The following OPCML variants were observed in gnomAD, a reference collection of about 807,000 sequenced individuals.
OPCML encodes opioid-binding protein/cell adhesion molecule.
A neutral mutation model predicts 37.8 loss-of-function variants in OPCML; 13 were observed. The observed-to-expected ratio is 0.34, with a 90% CI of 0.22 to 0.55. The LOEUF (loss-of-function observed/expected upper bound fraction) is 0.55. Among genes scored for constraint, OPCML ranks in the 20% least tolerant of loss-of-function variants. The pLI is 0.91. For synonymous variants in OPCML, 176 were observed against 168.8 expected (o/e 1.04, Z -0.33); for missense variants, 341 against 435.6 (o/e 0.78, Z 1.93).
chr11:133,134,732 C>T (rs1319599292), intron 1 of OPCML, among the ~76,000 whole-genome samples: 1 of 152,172 alleles, frequency 6.6e-6, no homozygotes, highest in East Asian at 1.9e-4. Context: ...CGAGATGAGC[C>T]ACCATCCTGC....
intron 3 of OPCML, among the ~76,000 whole-genome samples, chr11:132,534,082 T>C (rs1271346543): frequency 1.3e-5 from 2 of 152,176 alleles, no homozygotes; most frequent in African/African-American, 2.4e-5. Flanking sequence ...ATCCTAGAGA[T>C]TGACATTTGC....
At chr11:132,839,605 C>T (rs1349267898) in intron 2 of OPCML, among the ~76,000 whole-genome samples, 2 of 152,164 alleles carry the variant, frequency 1.3e-5, no homozygotes, top group African/African-American at 4.8e-5. Flanking sequence ...TTCCTGCAGT[C>T]TCCAGGGCTG....
At chr11:133,489,435 T>C (rs2120425940) in intron 1 of OPCML, among the ~76,000 whole-genome samples, 1 of 152,154 alleles carries the variant, frequency 6.6e-6, no homozygotes, top group Non-Finnish European at 1.5e-5. Context: ...TAAACAGACA[T>C]TTTTCAAAGG....
At position 133,346,567 on chromosome 11, in the gene OPCML, G is replaced by A. The variant is rs923055137; in HGVS notation, c.61+185697C>T. Among the ~76,000 whole-genome samples, 6 of 152,336 alleles carry A rather than the reference G, an allele frequency of 3.9e-5. No individual in the cohort carries two copies. In the East Asian group the frequency reaches 9.7e-4, roughly 25 times the overall value. ...ATAGGAGGTAATGCAGTCACCAGGTGTCTGGTCTCTGCAGGACCACATCAG... is the reference window on the plus strand; with the variant it reads ...ATAGGAGGTAATGCAGTCACCAGGTATCTGGTCTCTGCAGGACCACATCAG... On this transcript the variant is annotated intron_variant, in intron 1 of 7. Transcript: ENST00000524381.
intron 2 of OPCML, among the ~76,000 whole-genome samples, chr11:132,710,920 G>T (rs1012357535): frequency 6.6e-6 from 1 of 151,930 alleles, no homozygotes; most frequent in African/African-American, 2.4e-5. Flanking sequence ...ATGAGAGAGG[G>T]TAAGGGGTCT....
intron 3 of OPCML, among the ~76,000 whole-genome samples, chr11:132,558,100 T>C (rs1053634217): frequency 1.3e-5 from 2 of 152,104 alleles, no homozygotes; most frequent in African/African-American, 4.8e-5. Flanking sequence ...TCATCTTCCC[T>C]GATAGGAGAG....
At chr11:133,061,997 A>G (rs939644997) in intron 1 of OPCML, among the ~76,000 whole-genome samples, 27 of 152,312 alleles carry the variant, frequency 1.8e-4, no homozygotes, top group Admixed American at 3.9e-4. Context: ...ACAAAAGGTG[A>G]CACCAACTTT....
At chr11:132,955,147 T>C (rs548832045) in intron 1 of OPCML, among the ~76,000 whole-genome samples, 17 of 152,260 alleles carry the variant, frequency 1.1e-4, no homozygotes, top group African/African-American at 3.4e-4. Context: ...GAAAACATGC[T>C]GGACGGAGAT....
intron 4 of OPCML, among the ~76,000 whole-genome samples, chr11:132,460,631 G>C (rs886685891): frequency 6.6e-6 from 1 of 152,174 alleles, no homozygotes; most frequent in Non-Finnish European, 1.5e-5. Context: ...AATATAGAAA[G>C]TATTCAAAAG....
chr11:133,268,036 T>C (rs1483565285), intron 1 of OPCML, among the ~76,000 whole-genome samples: 1 of 152,212 alleles, frequency 6.6e-6, no homozygotes, highest in African/African-American at 2.4e-5. Flanking sequence ...GTTCCTTCTG[T>C]GTGATCTCAG....
intron 1 of OPCML, among the ~76,000 whole-genome samples, chr11:133,193,661 G>A (rs1938416093): frequency 6.6e-6 from 1 of 152,072 alleles, no homozygotes; most frequent in South Asian, 2.1e-4. Context: ...TTTGTATACT[G>A]CTGAGCCCAC....
chr11:132,925,842 G>A (rs961719056), intron 2 of OPCML, among the ~76,000 whole-genome samples: 13 of 152,220 alleles, frequency 8.5e-5, no homozygotes, highest in African/African-American at 3.1e-4. Context: ...CAGCCCCCAA[G>A]CTCCTTACAT....
intron 1 of OPCML, among the ~76,000 whole-genome samples, chr11:133,163,900 T>C (rs577390892): frequency 6.6e-5 from 10 of 152,352 alleles, no homozygotes; most frequent in African/African-American, 2.4e-4. Context: ...AAATCTCTCA[T>C]ACGGCTTTTG....
At chr11:133,245,396 C>T (rs545395242) in intron 1 of OPCML, among the ~76,000 whole-genome samples, 74 of 152,190 alleles carry the variant, frequency 4.9e-4, no homozygotes, top group Non-Finnish European at 8.4e-4. Flanking sequence ...ATTCCTTTAT[C>T]GCAAACCAAC....
intron 1 of OPCML, among the ~76,000 whole-genome samples, chr11:133,481,444 A>AAAATAAAT (rs373209430): frequency 7.3e-4 from 110 of 150,204 alleles, no homozygotes; most frequent in African/African-American, 1.2e-3. Context: ...CCCAGTTAAA[A>AAAATAAAT]AAATAAATAA....
At chr11:132,764,895 T>A (rs1001539674) in intron 2 of OPCML, among the ~76,000 whole-genome samples, 1 of 152,254 alleles carries the variant, frequency 6.6e-6, no homozygotes, top group East Asian at 1.9e-4. Flanking sequence ...CAAGGTAACC[T>A]GTTTCATTGC....
At position 132,551,464 on chromosome 11, in the gene OPCML, G is replaced by T. The variant is rs1186422864; in HGVS notation, c.380-22278C>A. On this transcript the variant is annotated intron_variant, in intron 3 of 7. Transcript: ENST00000524381. ...CTTGCCTGGGGACTAGACTGCCTTTGTAGTACTAACAAATTAGCCACAAGA... is the reference window on the plus strand; with the variant it reads ...CTTGCCTGGGGACTAGACTGCCTTTTTAGTACTAACAAATTAGCCACAAGA... Among the ~76,000 whole-genome samples, 7 of 152,278 alleles carry T rather than the reference G, an allele frequency of 4.6e-5. 1 individual carries two copies. The highest frequency in any genetic ancestry group is 1.4e-4 in the African/African-American group (6 of 41,560).
intron 1 of OPCML, among the ~76,000 whole-genome samples, chr11:133,119,406 T>C (rs1201613344): frequency 6.6e-6 from 1 of 152,084 alleles, no homozygotes; most frequent in Non-Finnish European, 1.5e-5. Flanking sequence ...CCTGGAGCCA[T>C]ATCAGTTAGG....
At chr11:133,492,616 G>A (rs898902685) in intron 1 of OPCML, among the ~76,000 whole-genome samples, 2 of 151,620 alleles carry the variant, frequency 1.3e-5, no homozygotes, top group African/African-American at 4.9e-5. Context: ...GAATTAAGTT[G>A]GAGACAATGA....
Sources: gnomAD v4.1 joint callset for allele counts (sites outside exome capture counted in the v4.1 genomes callset) on GRCh38, gnomAD v4.1.1 for gene constraint, MANE v1.5 for transcripts, NCBI Gene and HGNC (gene_info 2026-07-23, HGNC 2026-07-21) for gene names.